Variants in VEPH1 observed in about 807,000 individuals in gnomAD.
VEPH1 encodes ventricular zone-expressed PH domain-containing protein homolog 1.
In VEPH1, 80 loss-of-function variants were observed where a neutral mutation model predicts 85.2. The observed-to-expected ratio is 0.94, with a 90% CI of 0.78 to 1.13. The LOEUF is 1.13. VEPH1 is among the 50% of genes most tolerant of loss of function. The pLI, the probability that VEPH1 is intolerant of heterozygous loss-of-function variation, is 0.00. For synonymous variants in VEPH1, 297 were observed against 348.0 expected, an observed-to-expected ratio of 0.85 and a Z score of 1.63; for missense variants, 955 against 980.5, an observed-to-expected ratio of 0.97 and a Z score of 0.35.
At chr3:157,477,249 G>A (rs766299745) in intron 2 of VEPH1, among the ~76,000 whole-genome samples, 4 of 150,878 alleles carry the variant, frequency 2.7e-5, no homozygotes, top group Non-Finnish European at 5.9e-5. Flanking sequence ...CTTGGCTCAT[G>A]GTCCCTTCCT....
chr3:157,397,560 T>C (rs1446809618), intron 6 of VEPH1, among the ~76,000 whole-genome samples: 1 of 152,168 alleles, frequency 6.6e-6, no homozygotes, highest in African/African-American at 2.4e-5. Context: ...GAGTATGGTA[T>C]GTTTTTTCAT....
chr3:157,302,763 A>G (rs910712392), intron 11 of VEPH1, among the ~76,000 whole-genome samples: 1 of 152,164 alleles, frequency 6.6e-6, no homozygotes, highest in African/African-American at 2.4e-5. Context: ...AAAAAATCTA[A>G]GCTTCTTGCC....
intron 13 of VEPH1, among the ~76,000 whole-genome samples, chr3:157,264,542 C>T (rs1469485117): frequency 1.3e-5 from 2 of 152,200 alleles, no homozygotes; most frequent in Admixed American, 1.3e-4. Flanking sequence ...ACATGGGAAG[C>T]AGTAAACTCA....
chr3:157,415,419 T>C (rs1353553120), intron 5 of VEPH1: 2 of 152,160 alleles, frequency 1.3e-5, no homozygotes, highest in Non-Finnish European at 2.9e-5. Context: ...TGTGAAAGAC[T>C]GTCCTAGGGC....
intron 7 of VEPH1, among the ~76,000 whole-genome samples, chr3:157,375,999 T>C (rs1470281965): frequency 6.6e-6 from 1 of 152,214 alleles, no homozygotes; most frequent in Non-Finnish European, 1.5e-5. Flanking sequence ...TGGCTGAAGT[T>C]TGCAGGCTGG....
At position 157,318,807 on chromosome 3, in the gene VEPH1, G is replaced by A. The variant is rs149810694; in HGVS notation, c.1736-1606C>T. Among the ~76,000 whole-genome samples, 20 of 152,194 alleles carry A rather than the reference G, an allele frequency of 1.3e-4. No homozygotes were observed. The East Asian group carries it at 3.9e-3, about 29-fold the overall frequency. On this transcript the variant is annotated intron_variant, in intron 9 of 13. Coordinates refer to ENST00000362010, the MANE Select transcript of VEPH1 (RefSeq NM_001167912.2). The stretch of plus-strand genomic sequence containing the variant: ...ACACCTGTTAATACTAGCTACTTGG[G>A]AGGCAGGAGTGGGAGAATCCCTGAG...
chr3:157,290,619 C>G (rs1717365721), intron 11 of VEPH1, among the ~76,000 whole-genome samples: 1 of 151,888 alleles, frequency 6.6e-6, no homozygotes, highest in South Asian at 2.1e-4. Flanking sequence ...CATATACACA[C>G]AAAATAAAAC....
At chr3:157,428,188 A>G (rs1732886912) in intron 5 of VEPH1, 134 bp downstream of exon 5, 2 of 854,648 alleles carry the variant, frequency 2.3e-6, no homozygotes, top group African/African-American at 3.5e-5. Context: ...CAGAGTAAGT[A>G]GATGAGCGCT....
chr3:157,304,415 G>A (rs951742203), intron 11 of VEPH1, among the ~76,000 whole-genome samples: 12 of 152,112 alleles, frequency 7.9e-5, no homozygotes, highest in African/African-American at 2.9e-4. Context: ...CTATGCTTTG[G>A]TAACTGGAAC....
chr3:157,471,324 A>G (rs1419434768), intron 2 of VEPH1, among the ~76,000 whole-genome samples: 2 of 152,224 alleles, frequency 1.3e-5, no homozygotes, highest in African/African-American at 2.4e-5. Flanking sequence ...CTAATAGGAC[A>G]GTAAACATCT....
intron 4 of VEPH1, among the ~76,000 whole-genome samples, chr3:157,439,795 G>A (rs1733975345): frequency 6.6e-6 from 1 of 152,176 alleles, no homozygotes; most frequent in Non-Finnish European, 1.5e-5. Flanking sequence ...CTGTCGCCCA[G>A]GCTGGAGTGC....
At chr3:157,338,218 T>A (rs1056554018) in intron 9 of VEPH1, among the ~76,000 whole-genome samples, 1 of 152,218 alleles carries the variant, frequency 6.6e-6, no homozygotes, top group Non-Finnish European at 1.5e-5. Flanking sequence ...AAAGTCATAT[T>A]TTTTTGGATG....
At chr3:157,271,944 A>G (rs1714612184) in intron 12 of VEPH1, among the ~76,000 whole-genome samples, 1 of 152,244 alleles carries the variant, frequency 6.6e-6, no homozygotes, top group Admixed American at 6.5e-5. Context: ...GTAAGTGGTA[A>G]TATCAGCCAT....
intron 12 of VEPH1, among the ~76,000 whole-genome samples, chr3:157,281,441 A>G (rs1379772627): frequency 6.6e-6 from 1 of 152,198 alleles, no homozygotes; most frequent in Non-Finnish European, 1.5e-5. Flanking sequence ...TTGGTGCTCT[A>G]CCAACACTTA....
At chr3:157,283,221 C>T (rs952626863) in intron 12 of VEPH1, among the ~76,000 whole-genome samples, 15 of 152,110 alleles carry the variant, frequency 9.9e-5, no homozygotes, top group Non-Finnish European at 2.1e-4. Flanking sequence ...ATTTTCCCTA[C>T]AGGTTGAAAA....
At chr3:157,485,229 G>C (rs1738511127) in intron 2 of VEPH1, among the ~76,000 whole-genome samples, 1 of 152,060 alleles carries the variant, frequency 6.6e-6, no homozygotes, top group Non-Finnish European at 1.5e-5. Context: ...ATTTTAAATG[G>C]ATATTTAACT....
intron 12 of VEPH1, among the ~76,000 whole-genome samples, chr3:157,269,581 T>A (rs963400764): frequency 5.3e-5 from 8 of 151,758 alleles, no homozygotes; most frequent in Admixed American, 6.6e-5. Flanking sequence ...CAAAACAAAA[T>A]TTTTATATCC....
chr3:157,363,736 T>A lies in VEPH1; in HGVS notation c.1363A>T (p.Met455Leu), dbSNP rs1218989852. The part of the protein sequence containing the change: ...NRSKSLAFHT[M>L]LTKGVGSDDG... ...TCTGAACCCACACCCTTTGTGAGCA[T>A]AGTGTGGAAAGCCAAACTTTTTGAC... The change falls in exon 9 of 14, where the codon ATG becomes TTG. Residue 455 changes from methionine to leucine, a missense_variant. Transcript: ENST00000362010. 1 of 1,613,582 alleles carries A rather than the reference T, an allele frequency of 6.2e-7. No individual in the cohort carries two copies. The highest frequency in any genetic ancestry group is 2.2e-5 in the East Asian group (1 of 44,880).
chr3:157,500,811 A>T (rs1396183841), intron 1 of VEPH1, among the ~76,000 whole-genome samples: 1 of 152,156 alleles, frequency 6.6e-6, no homozygotes, highest in Non-Finnish European at 1.5e-5. Flanking sequence ...TGATAAGAGT[A>T]TGGGAATCTA....
Sources: gnomAD v4.1 joint callset for allele counts (sites outside exome capture counted in the v4.1 genomes callset) on GRCh38, gnomAD v4.1.1 for gene constraint, MANE v1.5 for transcripts, NCBI Gene and HGNC (gene_info 2026-07-23, HGNC 2026-07-21) for gene names.